The following CEP72 variants were observed in gnomAD, a reference collection of about 807,000 sequenced individuals.
The protein encoded by CEP72 is centrosomal protein 72, also known as centrosomal protein of 72 kDa.
Under a neutral mutation model 65.7 loss-of-function variants are expected in CEP72, and 78 were observed. That is an observed-to-expected ratio of 1.19 (90% CI 0.99 to 1.43). The LOEUF (loss-of-function observed/expected upper bound fraction) is 1.43. Ranked by LOEUF, CEP72 falls within the 40% of genes most tolerant of loss-of-function variation. CEP72 has a pLI of 0.00. For synonymous variants in CEP72, 358 were observed against 351.7 expected, an observed-to-expected ratio of 1.02 and a Z score of -0.20; for missense variants, 914 against 832.9, an observed-to-expected ratio of 1.10 and a Z score of -1.20.
rs778542580 is a variant in CEP72, at chr5:624,497, C to T, written c.430C>T (p.Arg144Trp). ...LDDRPVRASE[R>W]KASRLHFASE... The stretch of plus-strand genomic sequence containing the variant: ...CGATCGCCCCGTGAGAGCAAGCGAG[C>T]GGAAGGCTTCCCGACTGCATTTTGC... The change falls in exon 4 of 12, where the codon CGG becomes TGG. Residue 144 changes from arginine (R) to tryptophan (W), a missense_variant. By Grantham distance (101) the Arg-to-Trp change is moderately radical. Transcript: ENST00000264935. The surrounding 1 kb of genome is among the most constrained non-coding windows in gnomAD (Gnocchi z 4.7). 23 of 1,613,954 alleles carry T rather than the reference C, an allele frequency of 1.4e-5. No individual in the cohort carries two copies. The highest frequency in any genetic ancestry group is 4.0e-5 in the African/African-American group (3 of 74,936).
intron 2 of CEP72, chr5:664,175 C>G (rs1010163954): frequency 6.5e-6 from 1 of 152,678 alleles, no homozygotes; most frequent in Non-Finnish European, 1.5e-5. Flanking sequence ...GGGAGGTCTG[C>G]GAGCAAACAG....
At chr5:671,430 G>A (rs1332155047), downstream of CEP72, among the ~76,000 whole-genome samples, 1 of 152,156 alleles carries the variant, frequency 6.6e-6, no homozygotes, top group African/African-American at 2.4e-5. Flanking sequence ...CCTGGGCAGG[G>A]CTTTGGTCTG....
rs1447319923 is a variant in CEP72 at position 644,357 on chromosome 5, T to G, written c.1598T>G (p.Leu533Arg). The part of the protein sequence containing the change: ...SLEENSRLKS[L>R]LLSMKKEVKS... Reference sequence around the variant, plus strand: ...GAAGAGAACAGTAGGTTAAAATCGCTTTTGTTGAGTATGAAAAAGGAAGTG... The same window carrying G: ...GAAGAGAACAGTAGGTTAAAATCGCGTTTGTTGAGTATGAAAAAGGAAGTG... Residue 533 changes from leucine (L) to arginine (R), a missense_variant, in exon 10 of 12, where the codon CTT becomes CGT. Coordinates refer to ENST00000264935, the MANE Select transcript of CEP72 (RefSeq NM_018140.4). 1.9e-5 allele frequency: 31 copies of G among 1,613,912 alleles called. No homozygotes were observed. The highest frequency in any genetic ancestry group is 2.6e-5 in the Non-Finnish European group (31 of 1,179,962).
chr5:637,695 C>G lies in CEP72; in HGVS notation c.1083C>G (p.Ser361=). Residue 361 remains serine (S), a synonymous_variant, in exon 7 of 12, where the codon TCC becomes TCG. Transcript: ENST00000264935. ...LGCPERTHGS[S]VPKESLSRQD... ...GCCCGGAGAGAACTCATGGGTCCTC[C>G]GTGCCCAAGGAGAGCCTGAGCAGAC... The G allele has an allele frequency of 6.2e-7, 1 of 1,613,788 alleles. No individual in the cohort carries two copies. The highest frequency in any genetic ancestry group is 2.2e-5 in the East Asian group (1 of 44,882).
In CEP72 at chr5:624,539, G is replaced by A. The variant is rs781032681; in HGVS notation, c.472G>A (p.Asp158Asn). The A allele has an allele frequency of 2.3e-5, 37 of 1,613,870 alleles. No individual in the cohort carries two copies. Among genetic ancestry groups the A allele is most frequent in the South Asian group, 5.5e-5 (5 of 91,090 alleles). The part of the protein sequence containing the change: ...RLHFASEDSL[D>N]SKESVPASLK... ...GCATTTTGCATCAGAGGACTCACTC[G>A]ACTCCAAAGAGAGCGTCCCAGCTTC... Residue 158 changes from aspartate to asparagine, a missense_variant, in exon 4 of 12, where the codon GAC becomes AAC. Physicochemically the swap from Asp to Asn is conservative, Grantham distance 23 (BLOSUM62 1). Coordinates refer to ENST00000264935, the MANE Select transcript of CEP72 (RefSeq NM_018140.4). This position sits in a 1 kb window ranked among gnomAD's most constrained non-coding sequence, Gnocchi z 4.7.
chr5:638,267 C>T (rs1014961612), intron 7 of CEP72, among the ~76,000 whole-genome samples: 4 of 152,122 alleles, frequency 2.6e-5, no homozygotes, highest in South Asian at 2.1e-4. Context: ...ATGACCCTTT[C>T]GTGAGGGGAG....
chr5:664,888 C>T (rs1739828851), intron 2 of CEP72: 1 of 588,444 alleles, frequency 1.7e-6, no homozygotes, highest in Non-Finnish European at 3.0e-6. Context: ...GGAGGGTCAG[C>T]GAACTGGGGC....
intron 4 of CEP72, among the ~76,000 whole-genome samples, 189 bp from the exon 5 acceptor site, chr5:633,580 C>T (rs1307841555): frequency 6.6e-6 from 1 of 152,240 alleles, no homozygotes; most frequent in African/African-American, 2.4e-5. Context: ...CTGGCTGTTG[C>T]TCACCGATTG....
chr5:638,602 T>C (rs1256994737), intron 7 of CEP72, among the ~76,000 whole-genome samples: 6 of 149,932 alleles, frequency 4.0e-5, no homozygotes, highest in African/African-American at 1.5e-4. Flanking sequence ...GTGTTTGACG[T>C]CCCCGGCAGG....
rs1241407008 is a variant in CEP72, at chr5:624,109, T to G, written c.404-362T>G. On this transcript the variant is annotated intron_variant, in intron 3 of 11. Transcript: ENST00000264935. The surrounding 1 kb of genome is among the most constrained non-coding windows in gnomAD (Gnocchi z 4.7). Reference sequence around the variant, plus strand: ...AAGGCCTCCTGGAAGTTGCAGCCTCTCGGGCCGGGCAGGCTCCCTCCGTGG... The same window carrying G: ...AAGGCCTCCTGGAAGTTGCAGCCTCGCGGGCCGGGCAGGCTCCCTCCGTGG... 6.6e-6 allele frequency among the ~76,000 whole-genome samples: 1 copy of G among 152,144 alleles called. No individual in the cohort carries two copies. The highest frequency in any genetic ancestry group is 2.4e-5 in the African/African-American group (1 of 41,424).
At position 647,429 on chromosome 5, in the gene CEP72, G is replaced by A. The variant is rs773156462; in HGVS notation, c.1667-376G>A. Among the ~76,000 whole-genome samples the A allele has an allele frequency of 8.5e-5, 13 of 152,230 alleles. 1 individual carries two copies. Among genetic ancestry groups the A allele is most frequent in the South Asian group, 4.1e-4 (2 of 4,834 alleles). On this transcript the variant is annotated intron_variant, in intron 10 of 11. Coordinates refer to ENST00000264935, the MANE Select transcript of CEP72 (RefSeq NM_018140.4). ...CTGTGGGCTGCTTGGTGCTTTTCCC[G>A]AAACCCACAGGCCCTCCCTTCAGGG...
chr5:642,064 A>G (rs1466336284), intron 9 of CEP72: 1 of 982,058 alleles, frequency 1.0e-6, no homozygotes, highest in Non-Finnish European at 1.2e-6. Context: ...AAGCCTCTGC[A>G]TTTAAGCACA....
intron 6 of CEP72, among the ~76,000 whole-genome samples, chr5:636,393 A>G (rs1737599653): frequency 6.6e-6 from 1 of 152,202 alleles, no homozygotes; most frequent in African/African-American, 2.4e-5. Context: ...CACACTTTTA[A>G]GTGTATGGGC....
At chr5:642,072 A>G in intron 9 of CEP72, 1 of 981,668 alleles carries the variant, frequency 1.0e-6, no homozygotes, top group Non-Finnish European at 1.2e-6. Context: ...GCATTTAAGC[A>G]CACGTGGTCC....
chr5:671,616 C>T (rs1019900067), downstream of CEP72, among the ~76,000 whole-genome samples: 4 of 152,314 alleles, frequency 2.6e-5, no homozygotes, highest in East Asian at 3.9e-4. Context: ...TGGTGCTGCC[C>T]GGCCTGCAGG....
chr5:613,151 AGT>A (rs1157737829), intron 1 of CEP72, among the ~76,000 whole-genome samples: 1 of 151,770 alleles, frequency 6.6e-6, no homozygotes, highest in Admixed American at 6.5e-5. Context: ...TAACTTGTGG[AGT>A]GTGTGTGTTG....
downstream of CEP72, among the ~76,000 whole-genome samples, chr5:668,012 A>G (rs56910877): frequency 1.5e-3 from 53 of 34,366 alleles, 2 homozygotes; most frequent in African/African-American, 3.8e-3. Context: ...TCAGGGAAGT[A>G]CCGACAAGCA....
intron 4 of CEP72, among the ~76,000 whole-genome samples, chr5:628,483 GCC>G (rs1736914905): frequency 8.1e-6 from 1 of 122,970 alleles, no homozygotes; most frequent in African/African-American, 3.5e-5. Context: ...AACTCAGGTT[GCC>G]GTCCCTGGGG....
intron 1 of CEP72, among the ~76,000 whole-genome samples, chr5:614,530 G>A (rs1467502792): frequency 6.9e-6 from 1 of 145,216 alleles, no homozygotes; most frequent in Non-Finnish European, 1.5e-5. Flanking sequence ...CTCATTGAAA[G>A]CTCTGCCTCC....
Sources: gnomAD v4.1 joint callset for allele counts (sites outside exome capture counted in the v4.1 genomes callset) on GRCh38, gnomAD v4.1.1 for gene constraint, Gnocchi (gnomAD v3.1) non-coding constraint, MANE v1.5 for transcripts, NCBI Gene and HGNC (gene_info 2026-07-23, HGNC 2026-07-21) for gene names.